UNC13B: variants seen among roughly 807,000 people sequenced by gnomAD.
UNC13B encodes unc-13 homolog B.
UNC13B carries 144 observed loss-of-function variants against 211.0 expected under a neutral mutation model. The observed-to-expected ratio is 0.68, with a 90% CI of 0.60 to 0.78. The LOEUF is 0.78. Ranked by LOEUF, UNC13B falls within the 30% of genes least tolerant of loss-of-function variation. The probability of loss-of-function intolerance (pLI) is 0.00; values close to 1 mark genes in which losing one functional copy is unlikely to be tolerated. For synonymous variants in UNC13B, 709 were observed against 725.8 expected, an observed-to-expected ratio of 0.98 and a Z score of 0.37; for missense variants, 1,777 against 2,002.0, an observed-to-expected ratio of 0.89 and a Z score of 2.14.
Position 35,397,342 on chromosome 9 carries a change from T to TACC in UNC13B, c.11676+41_11676+43dup, listed in dbSNP as rs767355871. ...ATAACTCTTCCTACTCCCTCCCCCT[T>TACC]ACCACCACCACACTCACAGTCTCAT... is the stretch of plus-strand genomic sequence containing the variant. On this transcript the variant is annotated intron_variant, in intron 29 of 39. Transcript: ENST00000635942. 4.1e-5 allele frequency: 66 copies of TACC among 1,608,778 alleles called. 1 individual carries two copies. In the South Asian group the frequency reaches 7.3e-4, roughly 18 times the overall value.
At chr9:35,386,561 G>T (rs1210068976) in intron 24 of UNC13B, among the ~76,000 whole-genome samples, 1 of 152,122 alleles carries the variant, frequency 6.6e-6, no homozygotes, top group Admixed American at 6.5e-5. Context: ...ACAGTTCAGG[G>T]GTTGAGTAGG....
intron 11 of UNC13B, among the ~76,000 whole-genome samples, chr9:35,354,499 T>C (rs1156335392): frequency 6.6e-6 from 1 of 152,058 alleles, no homozygotes; most frequent in East Asian, 1.9e-4. Context: ...CTTTCTTCCA[T>C]CTCCCCCTAA....
In UNC13B at chr9:35,399,467, C is replaced by A; in HGVS notation, c.12255+19C>A. ...ACTCAAGGTACTCTGGGTGTGGGGT[C>A]CTCCTGGCAGGTGTGGTCCTTCTGA... On this transcript the variant is annotated intron_variant, in intron 35 of 39. Coordinates refer to ENST00000635942, the MANE Select transcript of UNC13B (RefSeq NM_001371189.2). The A allele has an allele frequency of 3.1e-6, 5 of 1,614,006 alleles. No homozygotes were observed. The highest frequency in any genetic ancestry group is 4.2e-6 in the Non-Finnish European group (5 of 1,179,984).
intron 5 of UNC13B, among the ~76,000 whole-genome samples, chr9:35,242,997 A>G (rs919779296): frequency 9.2e-5 from 14 of 152,182 alleles, no homozygotes; most frequent in African/African-American, 3.1e-4. Flanking sequence ...CATACAAACC[A>G]TGGTTTGAAT....
intron 1 of UNC13B, among the ~76,000 whole-genome samples, chr9:35,198,160 C>T (rs757632758): frequency 2.0e-5 from 3 of 151,764 alleles, no homozygotes; most frequent in Non-Finnish European, 4.4e-5. Flanking sequence ...AATCTCACGT[C>T]GAATTGTAAT....
rs573899129 is a variant in UNC13B at position 35,284,855 on chromosome 9, G to C, written c.527-10841G>C. ...GATGGCTGTTCACATGGAGTCTGGG[G>C]CTTAAGTATTCCATCATTTTAATGT... On this transcript the variant is annotated intron_variant, in intron 7 of 39. Transcript: ENST00000635942. Among the ~76,000 whole-genome samples, 9 of 152,310 alleles carry C rather than the reference G, an allele frequency of 5.9e-5. No homozygotes were observed. The South Asian group carries it at 1.5e-3, about 25-fold the overall frequency.
At position 35,367,012 on chromosome 9, in the gene UNC13B, G is replaced by A; in HGVS notation, c.9461+19G>A. 5 of 1,609,626 alleles carry A rather than the reference G, an allele frequency of 3.1e-6. No individual in the cohort carries two copies. Among genetic ancestry groups the A allele is most frequent in the Non-Finnish European group, 4.3e-6 (5 of 1,175,914 alleles). ...CGGAAGGGTAAGTAATTCACTGCAAGGTTTCTGTGGATTTTATTCAGTATC... is the reference window on the plus strand; with the variant it reads ...CGGAAGGGTAAGTAATTCACTGCAAAGTTTCTGTGGATTTTATTCAGTATC... On this transcript the variant is annotated intron_variant, in intron 12 of 39. Coordinates refer to ENST00000635942, the MANE Select transcript of UNC13B (RefSeq NM_001371189.2).
intron 6 of UNC13B, among the ~76,000 whole-genome samples, chr9:35,245,227 C>T (rs1341491330): frequency 6.6e-6 from 1 of 151,806 alleles, no homozygotes; most frequent in Admixed American, 6.6e-5. Flanking sequence ...GGGATTAAAA[C>T]AATTTAAAAA....
At position 35,306,036 on chromosome 9, in the gene UNC13B, G is replaced by C; in HGVS notation, c.6632G>C (p.Ser2211Thr). ...SSIKKDASHS[S>T]STFSFFSLSF... ...ATTAAGAAGGATGCCTCTCATAGTA[G>C]TTCTACTTTTAGTTTCTTCAGCTTG... Residue 2211 changes from serine to threonine, a missense_variant, in exon 9 of 40, where the codon AGT becomes ACT. By Grantham distance (58) the Ser-to-Thr change is moderately conservative. Transcript: ENST00000635942. 2.5e-6 allele frequency: 1 copy of C among 398,934 alleles called. No homozygotes were observed. Among genetic ancestry groups the C allele is most frequent in the Non-Finnish European group, 4.4e-6 (1 of 226,040 alleles). The allele number at this position is 398,934 out of a possible 1,614,324, so 24.7% of individuals were successfully genotyped here. A position where few individuals can be genotyped will look rare whatever the true frequency, so the allele number is the denominator to read the frequency against.
chr9:35,244,858 A>G (rs536358337), intron 6 of UNC13B, among the ~76,000 whole-genome samples: 19 of 152,340 alleles, frequency 1.2e-4, no homozygotes, highest in South Asian at 6.2e-4. Flanking sequence ...GTTAAATGAA[A>G]GATGAAGAAA....
chr9:35,186,861 G>A (rs970129456), intron 1 of UNC13B, among the ~76,000 whole-genome samples: 1 of 151,898 alleles, frequency 6.6e-6, no homozygotes, highest in Non-Finnish European at 1.5e-5. Context: ...CACCGCGCCC[G>A]GCCACGAGAT....
At chr9:35,245,183 C>G (rs1200067353) in intron 6 of UNC13B, among the ~76,000 whole-genome samples, 1 of 151,864 alleles carries the variant, frequency 6.6e-6, no homozygotes, top group African/African-American at 2.4e-5. Flanking sequence ...GTTTTATAGG[C>G]TTTGCTCTGT....
At chr9:35,293,237 T>C (rs1206121621) in intron 7 of UNC13B, among the ~76,000 whole-genome samples, 1 of 152,226 alleles carries the variant, frequency 6.6e-6, no homozygotes, top group Non-Finnish European at 1.5e-5. Context: ...TGTAGAAATG[T>C]TGTTAGCCTT....
intron 15 of UNC13B, 125 bp from the exon 16 acceptor site, chr9:35,377,343 G>T (rs1564178792): frequency 1.0e-6 from 1 of 977,584 alleles, no homozygotes; most frequent in East Asian, 2.6e-5. Context: ...TTGCTTAATT[G>T]CTGAGAACTA....
intron 1 of UNC13B, among the ~76,000 whole-genome samples, chr9:35,189,518 T>G (rs1343164612): frequency 6.6e-6 from 1 of 152,244 alleles, no homozygotes; most frequent in African/African-American, 2.4e-5. Flanking sequence ...TTTTTATTTC[T>G]TAAAGATTAC....
At chr9:35,235,328 G>A (rs1334593773) in intron 3 of UNC13B, among the ~76,000 whole-genome samples, 1 of 152,282 alleles carries the variant, frequency 6.6e-6, no homozygotes, top group Non-Finnish European at 1.5e-5. Flanking sequence ...GGGACTGAGT[G>A]GTGTGAACTA....
chr9:35,345,160 G>A (rs760839129), intron 11 of UNC13B, among the ~76,000 whole-genome samples: 73 of 152,094 alleles, frequency 4.8e-4, no homozygotes, highest in Non-Finnish European at 9.4e-4. Flanking sequence ...AAGAGCAGGA[G>A]GTAGTAAGGA....
At chr9:35,243,878 A>T (rs549181325) in intron 6 of UNC13B, among the ~76,000 whole-genome samples, 2 of 152,166 alleles carry the variant, frequency 1.3e-5, no homozygotes, top group African/African-American at 4.8e-5. Context: ...AAAGATGATA[A>T]ATTTGTTTAT....
chr9:35,400,518 A>G, intron 37 of UNC13B, 75 bp downstream of exon 37: 1 of 1,513,696 alleles, frequency 6.6e-7, no homozygotes, highest in Non-Finnish European at 8.9e-7. Flanking sequence ...CTGTATCTTC[A>G]TGCCCTTGGG....
Sources: gnomAD v4.1 joint callset for allele counts (sites outside exome capture counted in the v4.1 genomes callset) on GRCh38, gnomAD v4.1.1 for gene constraint, MANE v1.5 for transcripts, NCBI Gene and HGNC (gene_info 2026-07-23, HGNC 2026-07-21) for gene names.